Variants in CACNB2 observed in about 807,000 individuals in gnomAD.
CACNB2 encodes voltage-dependent L-type calcium channel subunit beta-2.
CACNB2 carries 42 observed loss-of-function variants against 73.3 expected under a neutral mutation model. That is an observed-to-expected ratio of 0.57 (90% CI 0.45 to 0.74). The LOEUF is 0.74. Among genes scored for constraint, CACNB2 ranks in the 30% least tolerant of loss-of-function variants. The pLI is 0.00. For synonymous variants in CACNB2, 348 were observed against 310.3 expected (o/e 1.12, Z -1.28); for missense variants, 940 against 853.0 (o/e 1.10, Z -1.27).
chr10:18,347,897 A>T (rs2041535179), intron 2 of CACNB2, among the ~76,000 whole-genome samples: 1 of 152,248 alleles, frequency 6.6e-6, no homozygotes, highest in Non-Finnish European at 1.5e-5. Flanking sequence ...TCAAGGCTAA[A>T]TTCTACATCA....
chr10:18,314,035 T>C (rs996421381), intron 2 of CACNB2, among the ~76,000 whole-genome samples: 15 of 152,248 alleles, frequency 9.9e-5, no homozygotes, highest in African/African-American at 3.4e-4. Context: ...ACTAAATTAA[T>C]CACACAGTAA....
chr10:18,220,234 GA>G (rs2035723046), intron 2 of CACNB2, among the ~76,000 whole-genome samples: 7 of 30,214 alleles, frequency 2.3e-4, no homozygotes, highest in African/African-American at 7.8e-4. Context: ...TATATATATA[GA>G]GAGAGAGAGA....
intron 2 of CACNB2, among the ~76,000 whole-genome samples, chr10:18,208,122 T>C (rs2035169710): frequency 6.6e-6 from 1 of 152,082 alleles, no homozygotes; most frequent in Non-Finnish European, 1.5e-5. Flanking sequence ...CCCAAACAGG[T>C]AAATGAGCCC....
chr10:18,259,664 G>T (rs1165625242), intron 2 of CACNB2, among the ~76,000 whole-genome samples: 1 of 150,928 alleles, frequency 6.6e-6, no homozygotes, highest in African/African-American at 2.4e-5. Context: ...CCTGGAGGTG[G>T]AGGTTGCAGT....
intron 2 of CACNB2, among the ~76,000 whole-genome samples, chr10:18,176,553 AGG>A (rs2033602109): frequency 1.3e-5 from 2 of 151,832 alleles, no homozygotes; most frequent in African/African-American, 2.4e-5. Flanking sequence ...GCTACAGAAG[AGG>A]GAAAGTCACA....
chr10:18,443,001 T>TATATAC, intron 3 of CACNB2, among the ~76,000 whole-genome samples: 1 of 16,356 alleles, frequency 6.1e-5, no homozygotes, highest in East Asian at 2.1e-3. Flanking sequence ...TATATATGTG[T>TATATAC]ATATATATAT....
intron 3 of CACNB2, among the ~76,000 whole-genome samples, chr10:18,453,149 T>C (rs1172380649): frequency 6.6e-6 from 1 of 152,184 alleles, no homozygotes; most frequent in African/African-American, 2.4e-5. Context: ...TAGAACAGCC[T>C]TTTGACCTGT....
rs370266150 is a variant in CACNB2, at chr10:18,534,065, G to A, written c.1055-11G>A. On this transcript the variant is annotated splice_polypyrimidine_tract_variant and intron_variant, in intron 10 of 13. Transcript: ENST00000324631. Reference sequence around the variant, plus strand: ...TACTGCACTTTAACTGAATTGTTTCGCCCTTTACAGCGGAAGTTCAGAGTG... The same window carrying A: ...TACTGCACTTTAACTGAATTGTTTCACCCTTTACAGCGGAAGTTCAGAGTG... The A allele has an allele frequency of 2.3e-5, 37 of 1,613,466 alleles. No individual in the cohort carries two copies. The highest frequency in any genetic ancestry group is 5.0e-5 in the Admixed American group (3 of 59,970).
intron 2 of CACNB2, among the ~76,000 whole-genome samples, chr10:18,305,043 AGAAT>A (rs2039674754): frequency 6.6e-6 from 1 of 152,268 alleles, no homozygotes. Flanking sequence ...AGTAAAAAGA[AGAAT>A]GAATGAAAAT....
intron 2 of CACNB2, among the ~76,000 whole-genome samples, chr10:18,236,378 A>G (rs2036446671): frequency 6.6e-6 from 1 of 152,256 alleles, no homozygotes; most frequent in Admixed American, 6.5e-5. Context: ...ACATCTCTGT[A>G]TTGATGGGAG....
chr10:18,497,223 A>C (rs1237597072), intron 3 of CACNB2, among the ~76,000 whole-genome samples: 4 of 150,766 alleles, frequency 2.7e-5, no homozygotes, highest in Non-Finnish European at 5.9e-5. Context: ...AAAAAAAAAA[A>C]AGAAAAGAAG....
intron 2 of CACNB2, among the ~76,000 whole-genome samples, chr10:18,376,592 C>T (rs1326318133): frequency 6.6e-6 from 1 of 152,168 alleles, no homozygotes; most frequent in Non-Finnish European, 1.5e-5. Flanking sequence ...AGCACTTTCT[C>T]TTACAGGCTT....
intron 3 of CACNB2, among the ~76,000 whole-genome samples, chr10:18,455,220 T>C (rs2047219586): frequency 6.6e-6 from 1 of 152,182 alleles, no homozygotes; most frequent in Non-Finnish European, 1.5e-5. Context: ...CAGCAGTCAT[T>C]GCACAGTTTG....
intron 2 of CACNB2, among the ~76,000 whole-genome samples, chr10:18,259,282 A>C (rs1470795722): frequency 6.6e-6 from 1 of 152,064 alleles, no homozygotes; most frequent in African/African-American, 2.4e-5. Context: ...ATAGACTTTA[A>C]AGGCCAGGCA....
chr10:18,377,875 C>T (rs758090271), intron 2 of CACNB2, among the ~76,000 whole-genome samples: 5 of 152,204 alleles, frequency 3.3e-5, no homozygotes, highest in Admixed American at 2.0e-4. Flanking sequence ...CATTAACCTT[C>T]GCTCCCTTTA....
Position 18,527,680 on chromosome 10 carries a change from A to G in CACNB2, c.1037A>G (p.Asn346Ser). ...PSKHAIIERS[N>S]TRSSLAEVQS... Reference sequence around the variant, plus strand: ...AAGCACGCAATAATAGAAAGATCCAACACAAGGTCAAGCTTAGGTAAGTCT... The same window carrying G: ...AAGCACGCAATAATAGAAAGATCCAGCACAAGGTCAAGCTTAGGTAAGTCT... The change falls in exon 10 of 14, where the codon AAC (asparagine) becomes AGC (serine). Residue 346 changes from asparagine (N) to serine (S), a missense_variant. Asn to Ser is a conservative substitution (Grantham distance 46, BLOSUM62 1). Transcript: ENST00000324631. The G allele has an allele frequency of 6.2e-7, 1 of 1,611,804 alleles. No individual in the cohort carries two copies.
At chr10:18,279,431 G>A (rs889651354) in intron 2 of CACNB2, among the ~76,000 whole-genome samples, 5 of 152,202 alleles carry the variant, frequency 3.3e-5, no homozygotes, top group African/African-American at 1.2e-4. Context: ...CATTATTCAT[G>A]TCTTTGTCAT....
chr10:18,443,713 T>TA (rs1417868594), intron 3 of CACNB2, among the ~76,000 whole-genome samples: 2 of 126,782 alleles, frequency 1.6e-5, no homozygotes, highest in Non-Finnish European at 3.3e-5. Flanking sequence ...AATTCCTACA[T>TA]ACCTTTTTTT....
intron 2 of CACNB2, among the ~76,000 whole-genome samples, chr10:18,272,174 T>C (rs536436067): frequency 5.9e-5 from 9 of 152,286 alleles, no homozygotes; most frequent in Admixed American, 2.0e-4. Flanking sequence ...TATGAAACAA[T>C]GTGATAGCTA....
Sources: gnomAD v4.1 joint callset for allele counts (sites outside exome capture counted in the v4.1 genomes callset) on GRCh38, gnomAD v4.1.1 for gene constraint, MANE v1.5 for transcripts, NCBI Gene and HGNC (gene_info 2026-07-23, HGNC 2026-07-21) for gene names.